Variants in GREB1 observed in about 807,000 individuals in gnomAD.
GREB1 encodes the protein protein GREB1.
A neutral mutation model predicts 200.7 loss-of-function variants in GREB1; 106 were observed. The observed-to-expected ratio is 0.53, with a 90% CI of 0.45 to 0.62. GREB1 has a LOEUF of 0.62. Ranked by LOEUF, GREB1 falls within the 20% of genes least tolerant of loss-of-function variation. GREB1 has a pLI of 0.00. For synonymous variants in GREB1, 1,132 were observed against 1,092.4 expected (o/e 1.04, Z -0.72); for missense variants, 2,243 against 2,556.8 (o/e 0.88, Z 2.65).
chr2:11,585,358 G>T, intron 8 of GREB1, 84 bp downstream of exon 8: 1 of 807,776 alleles, frequency 1.2e-6, no homozygotes, highest in Non-Finnish European at 2.0e-6. Context: ...GTGTGCGTGT[G>T]TGCGTGCGCA....
At chr2:11,531,906 A>G (rs1674087840), upstream of GREB1, among the ~76,000 whole-genome samples, 1 of 152,190 alleles carries the variant, frequency 6.6e-6, no homozygotes, top group Non-Finnish European at 1.5e-5. Flanking sequence ...TTAACATTTT[A>G]GTGTATTTCC....
intron 1 of GREB1, among the ~76,000 whole-genome samples, chr2:11,554,306 A>G (rs1279806717): frequency 6.6e-6 from 1 of 152,204 alleles, no homozygotes; most frequent in African/African-American, 2.4e-5. Flanking sequence ...TATTGCCACA[A>G]GCAGGAAGTG....
chr2:11,584,436 C>T (rs1006334248), intron 7 of GREB1, among the ~76,000 whole-genome samples: 3 of 152,124 alleles, frequency 2.0e-5, no homozygotes, highest in Non-Finnish European at 2.9e-5. Flanking sequence ...ATCAGTACTG[C>T]CCCCAAGCGG....
intron 10 of GREB1, chr2:11,591,717 A>G (rs1474066657): frequency 4.5e-6 from 2 of 442,348 alleles, no homozygotes; most frequent in East Asian, 4.4e-5. Flanking sequence ...GTAACGTTCT[A>G]TATGTCAAGA....
chr2:11,556,717 C>A lies in GREB1; in HGVS notation c.103C>A (p.Pro35Thr). Residue 35 changes from proline (P) to threonine (T), a missense_variant, in exon 2 of 33, where the codon CCC becomes ACC. Coordinates refer to ENST00000381486, the MANE Select transcript of GREB1 (RefSeq NM_014668.4). ...GCGGTCCAACAACCTGGTGCCCAGG[C>A]CCATCTTTTCCCAGCTGTACCTGGA... ...SLRSNNLVPR[P>T]IFSQLYLEAE... 1 of 1,614,060 alleles carries A rather than the reference C, an allele frequency of 6.2e-7. No individual in the cohort carries two copies. Among genetic ancestry groups the A allele is most frequent in the Non-Finnish European group, 8.5e-7 (1 of 1,179,910 alleles).
intron 1 of GREB1, among the ~76,000 whole-genome samples, chr2:11,496,760 A>G (rs940196706): frequency 1.3e-5 from 2 of 152,226 alleles, no homozygotes; most frequent in Non-Finnish European, 2.9e-5. Context: ...CCCAATGATA[A>G]CATTTTGCAA....
chr2:11,616,906 G>C (rs1683453957), intron 21 of GREB1, among the ~76,000 whole-genome samples, 186 bp downstream of exon 21: 1 of 152,258 alleles, frequency 6.6e-6, no homozygotes, highest in Non-Finnish European at 1.5e-5. Context: ...TCGGATCGGA[G>C]AACTTGAAGA....
chr2:11,485,787 GA>G (rs1672643106), intron 1 of GREB1, among the ~76,000 whole-genome samples: 1 of 152,192 alleles, frequency 6.6e-6, no homozygotes, highest in South Asian at 2.1e-4. Context: ...CCCTTTTAAA[GA>G]AAACTGTGTT....
intron 1 of GREB1, among the ~76,000 whole-genome samples, chr2:11,544,437 C>A (rs763910054): frequency 1.1e-4 from 17 of 152,078 alleles, no homozygotes; most frequent in African/African-American, 4.1e-4. Context: ...AGGATGGTCT[C>A]GATCTCCTGA....
At chr2:11,635,536 G>A (rs368843946) in intron 30 of GREB1, 131 bp downstream of exon 30, 2 of 1,037,822 alleles carry the variant, frequency 1.9e-6, no homozygotes, top group African/African-American at 3.3e-5. Context: ...CTACTGGGTG[G>A]GGTCAGTAAA....
intron 1 of GREB1, among the ~76,000 whole-genome samples, chr2:11,503,926 C>G (rs1673112858): frequency 6.6e-6 from 1 of 151,932 alleles, no homozygotes; most frequent in African/African-American, 2.4e-5. Flanking sequence ...TAGTACTGGA[C>G]TATATATATA....
intron 1 of GREB1, among the ~76,000 whole-genome samples, chr2:11,520,528 G>A (rs1416822514): frequency 2.6e-5 from 4 of 152,144 alleles, no homozygotes; most frequent in African/African-American, 9.7e-5. Flanking sequence ...CACATTTCTT[G>A]GCTGGAGCTT....
chr2:11,518,542 G>T (rs1673589787), intron 1 of GREB1, among the ~76,000 whole-genome samples: 1 of 151,884 alleles, frequency 6.6e-6, no homozygotes, highest in South Asian at 2.1e-4. Context: ...AGGGGGTGGG[G>T]GTGTGTGGCA....
chr2:11,592,194 T>C (rs993146844), intron 10 of GREB1: 54 of 582,662 alleles, frequency 9.3e-5, no homozygotes, highest in South Asian at 2.2e-4. Context: ...TTTCTTTTTT[T>C]TTTTTTTTTA....
intron 27 of GREB1, 110 bp from the exon 28 acceptor site, chr2:11,632,779 G>C: frequency 1.2e-6 from 1 of 812,114 alleles, no homozygotes; most frequent in Non-Finnish European, 2.0e-6. Flanking sequence ...ATGTCAGGAA[G>C]GTCGGGGCTG....
At chr2:11,526,855 G>A (rs1023273204) in intron 1 of GREB1, among the ~76,000 whole-genome samples, 3 of 152,128 alleles carry the variant, frequency 2.0e-5, no homozygotes, top group Non-Finnish European at 2.9e-5. Context: ...ACCGCTCCCG[G>A]CTTCAATCCT....
intron 17 of GREB1, among the ~76,000 whole-genome samples, chr2:11,608,687 C>G (rs987812806): frequency 6.6e-6 from 1 of 152,204 alleles, no homozygotes; most frequent in African/African-American, 2.4e-5. Context: ...TTCATGACTC[C>G]GAGGTGTTCC....
chr2:11,487,728 A>C (rs1227888465), intron 1 of GREB1, among the ~76,000 whole-genome samples: 1 of 152,198 alleles, frequency 6.6e-6, no homozygotes, highest in African/African-American at 2.4e-5. Context: ...AGATTTTGTC[A>C]ATTTTGTTTC....
At position 11,633,087 on chromosome 2, in the gene GREB1, C is replaced by T. The variant is rs1328906105; in HGVS notation, c.4991+24C>T. On this transcript the variant is annotated intron_variant, in intron 28 of 32. Transcript: ENST00000381486. This position sits in a 1 kb window ranked among gnomAD's most constrained non-coding sequence, Gnocchi z 4.1. Reference sequence around the variant, plus strand: ...AGGTGAGGTAACCTGAGAGCACCACCTCCTGCCACCCTACGAATGATGACC... The same window carrying T: ...AGGTGAGGTAACCTGAGAGCACCACTTCCTGCCACCCTACGAATGATGACC... 1.2e-6 allele frequency: 2 copies of T among 1,610,458 alleles called. No homozygotes were observed. The highest frequency in any genetic ancestry group is 4.5e-5 in the East Asian group (2 of 44,820).
Sources: allele counts gnomAD v4.1 joint callset (sites outside exome capture counted in the v4.1 genomes callset), GRCh38; gene constraint gnomAD v4.1.1; non-coding constraint Gnocchi (gnomAD v3.1); transcripts MANE v1.5; gene names NCBI Gene and HGNC (gene_info 2026-07-23, HGNC 2026-07-21).